Variants in PAFAH1B1 observed in about 807,000 individuals in gnomAD.
PAFAH1B1 encodes the protein platelet-activating factor acetylhydrolase IB subunit beta.
PAFAH1B1 carries 2 observed loss-of-function variants against 57.5 expected under a neutral mutation model. The ratio of observed to expected loss-of-function variants is 0.03; its 90% CI spans 0.01 to 0.11. The LOEUF is 0.11. Ranked by LOEUF, PAFAH1B1 falls within the 10% of genes least tolerant of loss-of-function variation. The pLI, the probability that PAFAH1B1 is intolerant of heterozygous loss-of-function variation, is 1.00. For synonymous variants in PAFAH1B1, 152 were observed against 169.6 expected (o/e 0.90, Z 0.81); for missense variants, 257 against 512.0 (o/e 0.50, Z 4.81).
At chr17:2,598,613 T>C (rs1185777897) in intron 1 of PAFAH1B1, among the ~76,000 whole-genome samples, 1 of 151,864 alleles carries the variant, frequency 6.6e-6, no homozygotes, top group African/African-American at 2.4e-5. Flanking sequence ...TTTTTTTTTT[T>C]ACTTAGAAAG....
intron 9 of PAFAH1B1, among the ~76,000 whole-genome samples, chr17:2,679,313 C>T (rs772280136): frequency 2.6e-5 from 4 of 151,934 alleles, no homozygotes; most frequent in South Asian, 2.1e-4. Context: ...AGAACTGCTG[C>T]GACAGGGGAA....
intron 2 of PAFAH1B1, among the ~76,000 whole-genome samples, chr17:2,649,915 G>T (rs189996019): frequency 6.6e-6 from 1 of 152,274 alleles, no homozygotes; most frequent in East Asian, 1.9e-4. Flanking sequence ...ATTTAGCATG[G>T]GATAAGGTGG....
Position 2,668,550 on chromosome 17 carries a change from A to C in PAFAH1B1, c.399+1352A>C, listed in dbSNP as rs571692755. ...TAAAATTAGCCAGGTATGGTGGTGC[A>C]TGCCTGTAGTCCTAGCTACTCAGGA... On this transcript the variant is annotated intron_variant, in intron 5 of 10. Coordinates refer to ENST00000397195, the MANE Select transcript of PAFAH1B1 (RefSeq NM_000430.4). Among the ~76,000 whole-genome samples the C allele has an allele frequency of 2.6e-5, 4 of 152,084 alleles. No individual in the cohort carries two copies. In the South Asian group the frequency reaches 8.3e-4, roughly 32 times the overall value.
chr17:2,662,220 T>TA (rs2069024244), intron 2 of PAFAH1B1, among the ~76,000 whole-genome samples: 1 of 152,142 alleles, frequency 6.6e-6, no homozygotes, highest in African/African-American at 2.4e-5. Flanking sequence ...GTTTAGAAAA[T>TA]AATTTCATTC....
intron 2 of PAFAH1B1, among the ~76,000 whole-genome samples, chr17:2,651,595 AAAAG>A (rs1046865177): frequency 5.3e-5 from 8 of 152,030 alleles, no homozygotes; most frequent in African/African-American, 1.9e-4. Context: ...AAAAAAAAAA[AAAAG>A]AAAAATACAT....
intron 2 of PAFAH1B1, among the ~76,000 whole-genome samples, chr17:2,654,915 T>TA (rs2068916443): frequency 6.6e-6 from 1 of 152,040 alleles, no homozygotes; most frequent in South Asian, 2.1e-4. Flanking sequence ...GTGCTGGAAT[T>TA]ACAGGTGTGA....
chr17:2,676,506 C>G lies in PAFAH1B1; in HGVS notation c.902C>G (p.Thr301Ser). 1 of 1,599,718 alleles carries G rather than the reference C, an allele frequency of 6.3e-7. No homozygotes were observed. ...TAATTTTTATTATGTTTTCTGTAGA[C>G]TAAAAAAAGTGGTAAACCTGGGCCA... ...SSISEATGSE[T>S]KKSGKPGPFL... The change falls in exon 9 of 11, where the codon ACT (threonine) becomes AGT (serine). Residue 301 changes from threonine (T) to serine (S), a missense_variant and splice_region_variant. By Grantham distance (58) the Thr-to-Ser change is moderately conservative (BLOSUM62 1). Coordinates refer to ENST00000397195, the MANE Select transcript of PAFAH1B1 (RefSeq NM_000430.4).
At chr17:2,601,635 T>C (rs896346530) in intron 1 of PAFAH1B1, among the ~76,000 whole-genome samples, 25 of 152,104 alleles carry the variant, frequency 1.6e-4, no homozygotes, top group Non-Finnish European at 2.6e-4. Flanking sequence ...AGAGATGGAG[T>C]ATCACCATGT....
rs1156350917 is a variant in PAFAH1B1, at chr17:2,679,502, TTGGATGGATGGATGGATGGATGATTGGA to T, written c.1003-636_1003-609del. 5.7e-3 allele frequency among the ~76,000 whole-genome samples: 493 copies of T among 85,988 alleles called. 1 individual carries two copies. The highest frequency in any genetic ancestry group is 7.1e-3 in the Non-Finnish European group (276 of 38,936). 56.4% of individuals were successfully genotyped at this position (85,988 alleles called of 152,430 possible). A position where few individuals can be genotyped will look rare whatever the true frequency, so the allele number is the denominator to read the frequency against. Reference sequence around the variant, plus strand: ...ATTGGATGGATGGATGGATGGATGATTGGATGGATGGATGGATGGATGATTGGATGGATGGATGGATGGATGGATGATT... The same window carrying T: ...ATTGGATGGATGGATGGATGGATGATTGGATGGATGGATGGATGGATGATT... On this transcript the variant is annotated intron_variant, in intron 9 of 10. Transcript: ENST00000397195.
chr17:2,667,033 A>G lies in PAFAH1B1; in HGVS notation c.234A>G (p.Glu78=), dbSNP rs2069115349. 6.2e-7 allele frequency: 1 copy of G among 1,613,914 alleles called. No individual in the cohort carries two copies. Among genetic ancestry groups the G allele is most frequent in the South Asian group, 1.1e-5 (1 of 91,078 alleles). ...CAAAGCTAAATGAAGCAAAAGAAGA[A>G]TTTACGTCAGGTGGACCTCTTGGTC... The part of the protein sequence containing the change: ...LESKLNEAKE[E]FTSGGPLGQK... Residue 78 remains glutamate (E), a synonymous_variant, in exon 5 of 11, where the codon GAA becomes GAG. Transcript: ENST00000397195.
chr17:2,671,596 C>CCTTT (rs2069184034), intron 6 of PAFAH1B1, among the ~76,000 whole-genome samples: 1 of 116,102 alleles, frequency 8.6e-6, no homozygotes, highest in Non-Finnish European at 1.7e-5. Flanking sequence ...CCAACACCAC[C>CCTTT]TTTTTTTTTT....
At chr17:2,665,983 A>AT (rs769747818) in intron 3 of PAFAH1B1, 33 bp from the exon 4 acceptor site, 2 of 1,431,734 alleles carry the variant, frequency 1.4e-6, no homozygotes, top group South Asian at 1.3e-5. Flanking sequence ...TAGTTAAGCC[A>AT]TTTTTTAAAA....
chr17:2,603,513 T>G (rs1415917494), intron 1 of PAFAH1B1, among the ~76,000 whole-genome samples: 1 of 151,728 alleles, frequency 6.6e-6, no homozygotes, highest in Non-Finnish European at 1.5e-5. Flanking sequence ...CCCAGCTACT[T>G]GGGAGGCTGA....
chr17:2,611,472 C>CA (rs113597989), intron 1 of PAFAH1B1, among the ~76,000 whole-genome samples: 1,642 of 118,296 alleles, frequency 0.014, 11 homozygotes, highest in South Asian at 0.023. Context: ...CGTCTCGGGG[C>CA]AAAAAAAAAA....
In PAFAH1B1 at chr17:2,681,997, A is replaced by G. The variant is rs893787499; in HGVS notation, c.*195A>G. The G allele has an allele frequency of 3.6e-6, 2 of 559,876 alleles. No homozygotes were observed. Among genetic ancestry groups the G allele is most frequent in the African/African-American group, 1.9e-5 (1 of 52,918 alleles). 34.7% of individuals were successfully genotyped at this position (559,876 alleles called of 1,614,324 possible). The stretch of plus-strand genomic sequence containing the variant: ...TCCAAATTGTATACTGTAAATTTAC[A>G]TACGTTGTCTAGAAGTACCATAGGG... On this transcript the variant is annotated 3_prime_UTR_variant, in exon 11 of 11. Transcript: ENST00000397195.
At chr17:2,616,869 C>T (rs1306984285) in intron 1 of PAFAH1B1, among the ~76,000 whole-genome samples, 2 of 151,768 alleles carry the variant, frequency 1.3e-5, no homozygotes, top group African/African-American at 4.8e-5. Context: ...CGAGACCATC[C>T]TGGCTAACAC....
chr17:2,654,955 T>C (rs1482388235), intron 2 of PAFAH1B1, among the ~76,000 whole-genome samples: 1 of 125,460 alleles, frequency 8.0e-6, no homozygotes, highest in Non-Finnish European at 1.6e-5. Flanking sequence ...TTTTTTCTTC[T>C]TTTTTTTTTT....
chr17:2,625,022 TA>T (rs2068471223), intron 1 of PAFAH1B1, among the ~76,000 whole-genome samples: 2 of 144,810 alleles, frequency 1.4e-5, no homozygotes, highest in Non-Finnish European at 3.0e-5. Context: ...TTATACTTTC[TA>T]TTTTTTTTTT....
At position 2,684,881 on chromosome 17, in the gene PAFAH1B1, TTC is replaced by T. The variant is rs2069451278; in HGVS notation, c.*3081_*3082del. On this transcript the variant is annotated 3_prime_UTR_variant, in exon 11 of 11. Transcript: ENST00000397195. ...TGCTCTCCCGTTCGCCTCTTTCTGT[TTC>T]TGTGTGAACTTTCCCGGTAATATCA... 6.6e-6 allele frequency: 1 copy of T among 152,430 alleles called. No individual in the cohort carries two copies. The highest frequency in any genetic ancestry group is 1.5e-5 in the Non-Finnish European group (1 of 68,038). 9.4% of individuals were successfully genotyped at this position (152,430 alleles called of 1,614,324 possible).
Sources: gnomAD v4.1 joint callset for allele counts (sites outside exome capture counted in the v4.1 genomes callset) on GRCh38, gnomAD v4.1.1 for gene constraint, MANE v1.5 for transcripts, NCBI Gene and HGNC (gene_info 2026-07-23, HGNC 2026-07-21) for gene names.